FAT3: variants seen among roughly 807,000 people sequenced by gnomAD.
The protein encoded by FAT3 is protocadherin Fat 3.
A neutral mutation model predicts 310.2 loss-of-function variants in FAT3; 95 were observed. The observed-to-expected ratio is 0.31, with a 90% confidence interval of 0.26 to 0.36. The LOEUF is 0.36. Ranked by LOEUF, FAT3 falls within the 10% of genes least tolerant of loss-of-function variation. FAT3 has a pLI of 1.00. For synonymous variants in FAT3, 2,314 were observed against 2,192.9 expected (o/e 1.06, Z -1.54); for missense variants, 5,408 against 5,715.6 (o/e 0.95, Z 1.74).
intron 22 of FAT3, among the ~76,000 whole-genome samples, chr11:92,871,658 T>C (rs1237101455): frequency 6.6e-6 from 1 of 152,244 alleles, no homozygotes; most frequent in Non-Finnish European, 1.5e-5. Flanking sequence ...TCAGGAACTT[T>C]CTGCTAGGTC....
At position 92,238,196 on chromosome 11, in the gene FAT3, T is replaced by A. The variant is rs950377565; in HGVS notation, c.-18+13022T>A. On this transcript the variant is annotated intron_variant, in intron 1 of 27. Transcript: ENST00000525166. Reference sequence around the variant, plus strand: ...TGGGTGTGGGCCCAAAGATAGAACATGAGTATCAGGTGGATTTCTTTGAGG... The same window carrying A: ...TGGGTGTGGGCCCAAAGATAGAACAAGAGTATCAGGTGGATTTCTTTGAGG... Among the ~76,000 whole-genome samples, 10 of 152,280 alleles carry A rather than the reference T, an allele frequency of 6.6e-5. No individual in the cohort carries two copies. In the East Asian group the frequency reaches 1.9e-3, roughly 29 times the overall value.
chr11:92,249,992 A>G (rs1865072624), intron 1 of FAT3, among the ~76,000 whole-genome samples: 1 of 152,184 alleles, frequency 6.6e-6, no homozygotes, highest in Admixed American at 6.6e-5. Context: ...GTAGAAAAAT[A>G]GATGAGGTGA....
intron 12 of FAT3, among the ~76,000 whole-genome samples, chr11:92,808,324 T>C (rs919951819): frequency 2.6e-5 from 4 of 152,144 alleles, no homozygotes; most frequent in African/African-American, 7.2e-5. Flanking sequence ...GTAACTAATA[T>C]TCTGATAAGA....
chr11:92,769,296 G>A (rs1461429067), intron 6 of FAT3, among the ~76,000 whole-genome samples: 2 of 152,222 alleles, frequency 1.3e-5, no homozygotes, highest in African/African-American at 4.8e-5. Flanking sequence ...GCTGTTCTGT[G>A]TTTAAACAGC....
At chr11:92,264,454 G>T (rs1945877557) in intron 1 of FAT3, among the ~76,000 whole-genome samples, 1 of 152,128 alleles carries the variant, frequency 6.6e-6, no homozygotes, top group African/African-American at 2.4e-5. Context: ...TTGGTTTAAG[G>T]ACACTAAGAG....
At position 92,891,120 on chromosome 11, in the gene FAT3, C is replaced by A; in HGVS notation, c.*7C>A. The A allele has an allele frequency of 6.2e-7, 1 of 1,611,580 alleles. No individual in the cohort carries two copies. The highest frequency in any genetic ancestry group is 8.5e-7 in the Non-Finnish European group (1 of 1,178,620). On this transcript the variant is annotated 3_prime_UTR_variant, in exon 28 of 28. Transcript: ENST00000525166. Reference sequence around the variant, plus strand: ...GCATCAGACTCAAGTGTAGACATCACATCTTGGGTACTTCACCCTGTTTGT... The same window carrying A: ...GCATCAGACTCAAGTGTAGACATCAAATCTTGGGTACTTCACCCTGTTTGT...
At chr11:92,500,612 G>A (rs1031060459) in intron 2 of FAT3, among the ~76,000 whole-genome samples, 8 of 151,978 alleles carry the variant, frequency 5.3e-5, no homozygotes, top group Admixed American at 2.6e-4. Flanking sequence ...AACAAAGTGC[G>A]AAGAGGTAAT....
In FAT3 at chr11:92,355,475, G is replaced by A; in HGVS notation, c.3292+71G>A. The A allele has an allele frequency of 2.1e-6, 3 of 1,429,984 alleles. No homozygotes were observed. In the Admixed American group the frequency reaches 6.2e-5, roughly 29 times the overall value. The allele number at this position is 1,429,984 out of a possible 1,614,324, so 88.6% of individuals were successfully genotyped here. On this transcript the variant is annotated intron_variant, in intron 2 of 27. Transcript: ENST00000525166. Reference sequence around the variant, plus strand: ...AATGGTCAACAGTGGAAAAGTAAAGGGATGTTAGGACACTAAAATAGAATG... The same window carrying A: ...AATGGTCAACAGTGGAAAAGTAAAGAGATGTTAGGACACTAAAATAGAATG...
At chr11:92,494,118 AGAGT>A (rs1375175824) in intron 2 of FAT3, among the ~76,000 whole-genome samples, 1 of 151,242 alleles carries the variant, frequency 6.6e-6, no homozygotes, top group East Asian at 2.0e-4. Flanking sequence ...CAGGAGAGAG[AGAGT>A]GAGTGCAGGG....
intron 21 of FAT3, among the ~76,000 whole-genome samples, chr11:92,862,805 C>T (rs1019057124): frequency 2.0e-5 from 3 of 152,270 alleles, no homozygotes; most frequent in South Asian, 2.1e-4. Context: ...CATGTAATTT[C>T]GACTCTCATT....
At position 92,499,754 on chromosome 11, in the gene FAT3, T is replaced by A. The variant is rs145037514; in HGVS notation, c.3293-24880T>A. 9.8e-4 allele frequency among the ~76,000 whole-genome samples: 148 copies of A among 150,764 alleles called. 2 individuals carry two copies. The highest frequency in any genetic ancestry group is 3.4e-3 in the African/African-American group (140 of 40,774). On this transcript the variant is annotated intron_variant, in intron 2 of 27. Coordinates refer to ENST00000525166, the MANE Select transcript of FAT3 (RefSeq NM_001367949.2). ...GTGTGTGTGTGTGTGTGTGTGTGTG[T>A]GAAAAGTCACCATGATTAGAAAGAA...
At chr11:92,710,043 A>T (rs926215574) in intron 4 of FAT3, among the ~76,000 whole-genome samples, 2 of 152,214 alleles carry the variant, frequency 1.3e-5, no homozygotes, top group African/African-American at 2.4e-5. Flanking sequence ...AGGCTAACGT[A>T]TACCTTGCTG....
Position 92,832,026 on chromosome 11 carries a change from C to G in FAT3, c.9871+15C>G. The G allele has an allele frequency of 1.3e-6, 2 of 1,525,264 alleles. No individual in the cohort carries two copies. Among genetic ancestry groups the G allele is most frequent in the Non-Finnish European group, 1.8e-6 (2 of 1,137,564 alleles). 94.5% of individuals were successfully genotyped at this position (1,525,264 alleles called of 1,614,324 possible). ...CCCCAAGACAGGTGGGTAAATAGCA[C>G]TGTACTTAGAATACAGAGCTTCAGC... On this transcript the variant is annotated intron_variant, in intron 14 of 27. Coordinates refer to ENST00000525166, the MANE Select transcript of FAT3 (RefSeq NM_001367949.2).
chr11:92,681,587 A>G (rs1943482123), intron 3 of FAT3, among the ~76,000 whole-genome samples: 1 of 152,214 alleles, frequency 6.6e-6, no homozygotes, highest in African/African-American at 2.4e-5. Flanking sequence ...GAAAGAGGTT[A>G]GCAAGTGGGA....
At chr11:92,706,672 A>G (rs866822160) in intron 4 of FAT3, among the ~76,000 whole-genome samples, 14 of 152,240 alleles carry the variant, frequency 9.2e-5, no homozygotes, top group Admixed American at 1.3e-4. Flanking sequence ...TACTTGCCTC[A>G]TAATTTGTAA....
chr11:92,255,609 T>C (rs1865287400), intron 1 of FAT3, among the ~76,000 whole-genome samples: 1 of 152,108 alleles, frequency 6.6e-6, no homozygotes, highest in Admixed American at 6.5e-5. Flanking sequence ...TAAGAACATA[T>C]TGCTCTGAAC....
intron 3 of FAT3, among the ~76,000 whole-genome samples, chr11:92,532,535 A>G (rs1036168402): frequency 6.6e-6 from 1 of 152,194 alleles, no homozygotes; most frequent in African/African-American, 2.4e-5. Flanking sequence ...TAAAGGCTCT[A>G]TGAATACTTG....
chr11:92,299,443 T>C (rs181688969), intron 1 of FAT3, among the ~76,000 whole-genome samples: 1 of 152,264 alleles, frequency 6.6e-6, no homozygotes, highest in East Asian at 1.9e-4. Flanking sequence ...ATAGACTTTC[T>C]TGCCCTTTCC....
rs1228599448 is a variant in FAT3, at chr11:92,867,137, G to T, written c.12055G>T (p.Val4019Leu). The change falls in exon 22 of 28, where the codon GTG (valine) becomes TTG (leucine). Residue 4019 changes from valine (V) to leucine (L), a missense_variant. By Grantham distance (32) the Val-to-Leu change is conservative. Around this residue, in one of 5 missense-constraint regions of FAT3, gnomAD observed 4,588 missense variants for 4,809.8 expected, o/e 0.95. Transcript: ENST00000525166. ...VGLTELKLGC[V>L]LYPDACKRSP... ...CCTGACGGAGCTGAAGCTGGGCTGC[G>T]TGCTCTATCCCGACGCCTGCAAGCG... The T allele has an allele frequency of 1.2e-6, 2 of 1,602,058 alleles. No homozygotes were observed. Among genetic ancestry groups the T allele is most frequent in the South Asian group, 2.2e-5 (2 of 88,978 alleles).
Sources: gnomAD v4.1 joint callset for allele counts (sites outside exome capture counted in the v4.1 genomes callset) on GRCh38, gnomAD v4.1.1 for gene constraint, gnomAD v4.1.1 regional missense constraint, MANE v1.5 for transcripts, NCBI Gene and HGNC (gene_info 2026-07-23, HGNC 2026-07-21) for gene names.